The following ZNF385D variants were observed in gnomAD, a reference collection of about 807,000 sequenced individuals.
ZNF385D encodes zinc finger protein 385D, also known as zinc finger protein 659.
A neutral mutation model predicts 35.8 loss-of-function variants in ZNF385D; 15 were observed. The ratio of observed to expected loss-of-function variants is 0.42; its 90% CI spans 0.28 to 0.64. The LOEUF (loss-of-function observed/expected upper bound fraction) is 0.64. Ranked by LOEUF, ZNF385D falls within the 30% of genes least tolerant of loss-of-function variation. ZNF385D has a pLI of 0.23. For synonymous variants in ZNF385D, 212 were observed against 186.8 expected, an observed-to-expected ratio of 1.13 and a Z score of -1.10; for missense variants, 474 against 494.6, an observed-to-expected ratio of 0.96 and a Z score of 0.39.
intron 3 of ZNF385D, among the ~76,000 whole-genome samples, chr3:22,108,297 C>T (rs532577674): frequency 1.8e-4 from 28 of 151,932 alleles, no homozygotes; most frequent in African/African-American, 6.3e-4. Flanking sequence ...GAACATCTGT[C>T]GAGTGTTCGA....
At chr3:22,307,223 TGA>T (rs1703276478) in intron 2 of ZNF385D, among the ~76,000 whole-genome samples, 1 of 152,064 alleles carries the variant, frequency 6.6e-6, no homozygotes, top group South Asian at 2.1e-4. Flanking sequence ...GGGAAGTGTT[TGA>T]GAGTCAGTTT....
At chr3:21,952,763 T>G (rs1456645905) in intron 3 of ZNF385D, among the ~76,000 whole-genome samples, 1 of 151,962 alleles carries the variant, frequency 6.6e-6, no homozygotes, top group Non-Finnish European at 1.5e-5. Context: ...AGTATAAAAA[T>G]GTAACTGCTA....
At chr3:21,934,280 A>T (rs1701156900) in intron 3 of ZNF385D, among the ~76,000 whole-genome samples, 1 of 152,200 alleles carries the variant, frequency 6.6e-6, no homozygotes, top group Non-Finnish European at 1.5e-5. Flanking sequence ...TAGAGTGAAG[A>T]AGAGCCTACA....
intron 4 of ZNF385D, among the ~76,000 whole-genome samples, chr3:21,493,890 A>G (rs1231672014): frequency 1.3e-5 from 2 of 152,178 alleles, no homozygotes; most frequent in African/African-American, 2.4e-5. Context: ...ATCTCTTTCA[A>G]TGTAGGTAAT....
At position 21,586,292 on chromosome 3, in the gene ZNF385D, C is replaced by CTGTT. The variant is rs1352696568; in HGVS notation, c.166-21612_166-21609dup. On this transcript the variant is annotated intron_variant, in intron 2 of 7. Coordinates refer to ENST00000281523, the MANE Select transcript of ZNF385D (RefSeq NM_024697.3). ...GCCTTCCAGAATAGTGCATCCATTA[C>CTGTT]TGTTTTTATCTTGAAAAAGACTACT... Among the ~76,000 whole-genome samples, 4 of 152,128 alleles carry CTGTT rather than the reference C, an allele frequency of 2.6e-5. No homozygotes were observed. The East Asian group carries it at 7.7e-4, about 29-fold the overall frequency.
intron 3 of ZNF385D, among the ~76,000 whole-genome samples, chr3:22,001,885 T>G (rs891907267): frequency 6.6e-6 from 1 of 151,668 alleles, no homozygotes. Context: ...ATTGAAAAAA[T>G]TATTGAAACA....
At chr3:21,499,403 T>A (rs533416031) in intron 4 of ZNF385D, among the ~76,000 whole-genome samples, 1 of 152,124 alleles carries the variant, frequency 6.6e-6, no homozygotes, top group Non-Finnish European at 1.5e-5. Context: ...CTGAATATTT[T>A]CACTTATGAA....
intron 3 of ZNF385D, among the ~76,000 whole-genome samples, chr3:21,553,470 G>A (rs566456945): frequency 1.8e-4 from 28 of 152,120 alleles, no homozygotes; most frequent in African/African-American, 6.0e-4. Context: ...CCTTCAGCAA[G>A]ACATAATGTT....
chr3:21,746,682 T>C (rs539038743), intron 1 of ZNF385D, among the ~76,000 whole-genome samples: 1 of 152,322 alleles, frequency 6.6e-6, no homozygotes, highest in South Asian at 2.1e-4. Flanking sequence ...ATAGAAACAG[T>C]GGCTGAGTGT....
chr3:22,017,490 C>G (rs1025291228), intron 3 of ZNF385D, among the ~76,000 whole-genome samples: 7 of 151,870 alleles, frequency 4.6e-5, no homozygotes, highest in African/African-American at 2.4e-5. Flanking sequence ...TCAATAATCT[C>G]TGTATTATAA....
intron 3 of ZNF385D, among the ~76,000 whole-genome samples, chr3:21,976,756 G>A (rs1375126437): frequency 6.6e-6 from 1 of 152,186 alleles, no homozygotes; most frequent in African/African-American, 2.4e-5. Context: ...ACTTTGGGAA[G>A]CCAAGGCATG....
At chr3:21,776,872 C>CA (rs1301354044) in intron 3 of ZNF385D, among the ~76,000 whole-genome samples, 4 of 151,876 alleles carry the variant, frequency 2.6e-5, no homozygotes, top group Non-Finnish European at 5.9e-5. Flanking sequence ...TTCTCCTGTC[C>CA]AAAGACACAG....
intron 4 of ZNF385D, among the ~76,000 whole-genome samples, chr3:21,445,783 C>T (rs1305346802): frequency 6.6e-6 from 1 of 152,206 alleles, no homozygotes; most frequent in Non-Finnish European, 1.5e-5. Context: ...GAGTTATATC[C>T]CTGTCAGGTA....
rs35276805 is a variant in ZNF385D, at chr3:21,512,145, CA to C, written c.277-1123del. Among the ~76,000 whole-genome samples the C allele has an allele frequency of 5.7e-3, 519 of 90,312 alleles. 1 individual carries two copies. The highest frequency in any genetic ancestry group is 0.011 in the African/African-American group (236 of 22,320). 59.2% of individuals were successfully genotyped at this position (90,312 alleles called of 152,430 possible). A position where few individuals can be genotyped will look rare whatever the true frequency, so the allele number is the denominator to read the frequency against. ...CTGGTGACAGAGCGAGACTCCATCT[CA>C]AAAAAAAAAAAAAAAAAAGAAGTAC... is the stretch of plus-strand genomic sequence containing the variant. On this transcript the variant is annotated intron_variant, in intron 3 of 7. Transcript: ENST00000281523.
At chr3:22,144,508 G>C (rs1201071471) in intron 3 of ZNF385D, among the ~76,000 whole-genome samples, 2 of 138,836 alleles carry the variant, frequency 1.4e-5, no homozygotes, top group Admixed American at 8.0e-5. Flanking sequence ...AGGAGGCAGA[G>C]GCAGCAATGA....
intron 4 of ZNF385D, among the ~76,000 whole-genome samples, chr3:21,503,466 G>C (rs1437049978): frequency 6.6e-6 from 1 of 152,088 alleles, no homozygotes; most frequent in East Asian, 1.9e-4. Context: ...CTATTTGCTT[G>C]TTTCCTAAAG....
intron 3 of ZNF385D, among the ~76,000 whole-genome samples, chr3:21,943,818 G>A (rs1167433676): frequency 2.6e-5 from 4 of 152,110 alleles, no homozygotes; most frequent in Non-Finnish European, 4.4e-5. Flanking sequence ...GCCAAACTAA[G>A]CCTGAAAACA....
At chr3:22,066,314 GTGTGTA>G (rs1161148716) in intron 3 of ZNF385D, among the ~76,000 whole-genome samples, 7 of 116,390 alleles carry the variant, frequency 6.0e-5, no homozygotes, top group African/African-American at 2.7e-4. Flanking sequence ...GAGTGTGTGT[GTGTGTA>G]TGTGTGTGTA....
intron 2 of ZNF385D, among the ~76,000 whole-genome samples, chr3:22,290,329 G>T (rs1359115500): frequency 6.6e-6 from 1 of 152,104 alleles, no homozygotes; most frequent in South Asian, 2.1e-4. Context: ...AAAGACAAAA[G>T]CCTCCCAAGG....
Sources: gnomAD v4.1 joint callset for allele counts (sites outside exome capture counted in the v4.1 genomes callset) on GRCh38, gnomAD v4.1.1 for gene constraint, MANE v1.5 for transcripts, NCBI Gene and HGNC (gene_info 2026-07-23, HGNC 2026-07-21) for gene names.